Variants in ABCA4 observed in about 807,000 individuals in gnomAD.
ABCA4 encodes the protein ATP binding cassette subfamily A member 4.
A neutral mutation model predicts 263.7 loss-of-function variants in ABCA4; 196 were observed. That is an observed-to-expected ratio of 0.74 (90% CI 0.66 to 0.84). ABCA4 has a LOEUF of 0.84. ABCA4 is among the 40% of genes least tolerant of loss of function. The pLI, the probability that ABCA4 is intolerant of heterozygous loss-of-function variation, is 0.00. For missense variants in ABCA4, 2,792 were observed against 2,855.1 expected (o/e 0.98, Z 0.50); for synonymous variants, 1,133 against 1,094.2 (o/e 1.04, Z -0.70).
intron 4 of ABCA4, among the ~76,000 whole-genome samples, chr1:94,105,898 C>T (rs1570428753): frequency 6.6e-6 from 1 of 152,284 alleles, no homozygotes; most frequent in African/African-American, 2.4e-5. Flanking sequence ...CAGCACCAGC[C>T]CCGCCACCCC....
rs1437902454 is a variant in ABCA4, at chr1:94,021,894, T to G, written c.4725A>C (p.Ala1575=). ...CAAGGTCGCTTAAAAACCCAACAAG[T>G]GCTTCCCCCGTGATGGGGACGACTG... ...KLPVVPITGE[A]LVGFLSDLGR... is the part of the protein sequence containing the mutation. The change falls in exon 33 of 50, where the codon GCA becomes GCC. Residue 1575 remains alanine, a synonymous_variant. Coordinates refer to ENST00000370225, the MANE Select transcript of ABCA4 (RefSeq NM_000350.3). 2 of 1,614,140 alleles carry G rather than the reference T, an allele frequency of 1.2e-6. No homozygotes were observed. Among genetic ancestry groups the G allele is most frequent in the Non-Finnish European group, 1.7e-6 (2 of 1,180,018 alleles).
Position 94,048,438 on chromosome 1 carries a change from C to T in ABCA4, c.2743+430G>A, listed in dbSNP as rs970289555. 1.3e-4 allele frequency among the ~76,000 whole-genome samples: 20 copies of T among 152,288 alleles called. No individual in the cohort carries two copies. The East Asian group carries it at 2.3e-3, about 18-fold the overall frequency. On this transcript the variant is annotated intron_variant, in intron 18 of 49. Transcript: ENST00000370225. ...TGAATGGCCTTCTAGATTTGTAAGC[C>T]GTAAGTGAAGTGTAGTCAGCTCCCC...
At chr1:94,022,847 C>A (rs1318277266) in intron 32 of ABCA4, among the ~76,000 whole-genome samples, 2 of 152,146 alleles carry the variant, frequency 1.3e-5, no homozygotes, top group African/African-American at 4.8e-5. Context: ...TAGAATCTGC[C>A]CAGGAAAGCA....
At position 93,996,166 on chromosome 1, in the gene ABCA4, A is replaced by G. The variant is rs1462897402; in HGVS notation, c.6759T>C (p.Thr2253=). ...GGTGCAGAGGGAGGTCATGACTTTC[A>G]GTCTGCTGTTTAGCAAAATTTACAA... ...QVFVNFAKQQ[T]ESHDLPLHPR... Residue 2253 remains threonine, a synonymous_variant, in exon 49 of 50, where the codon ACT becomes ACC. Transcript: ENST00000370225. 6.2e-7 allele frequency: 1 copy of G among 1,614,058 alleles called. No homozygotes were observed. Among genetic ancestry groups the G allele is most frequent in the East Asian group, 2.2e-5 (1 of 44,884 alleles).
chr1:94,048,601 G>A (rs1660751294), intron 18 of ABCA4, among the ~76,000 whole-genome samples: 1 of 152,206 alleles, frequency 6.6e-6, no homozygotes, highest in Admixed American at 6.5e-5. Flanking sequence ...CAACTCACTT[G>A]GGATTTGCCT....
chr1:94,086,218 T>A (rs1661821071), intron 6 of ABCA4, among the ~76,000 whole-genome samples: 1 of 152,178 alleles, frequency 6.6e-6, no homozygotes, highest in Non-Finnish European at 1.5e-5. Context: ...CATGAAATGG[T>A]ATGTTCATTA....
At chr1:94,045,643 C>A in intron 19 of ABCA4, 1 of 419,694 alleles carries the variant, frequency 2.4e-6, no homozygotes. Context: ...AGTTCTGATA[C>A]CATCTCAGGC....
chr1:94,040,104 C>T lies in ABCA4; in HGVS notation c.3546G>A (p.Lys1182=). 1 of 1,609,786 alleles carries T rather than the reference C, an allele frequency of 6.2e-7. No homozygotes were observed. The highest frequency in any genetic ancestry group is 8.5e-7 in the Non-Finnish European group (1 of 1,177,854). Residue 1182 remains lysine (K), a synonymous_variant, in exon 24 of 50, where the codon AAG becomes AAA. Transcript: ENST00000370225. ...GSEGTCSCSS[K]GFSTTCPAHV... ...GGGCTGGACACGTGGTGGAGAAACC[C>T]TTAGACGAGCAGCTGCAGGTCCCCT...
In ABCA4 at chr1:94,019,663, C is replaced by T. The variant is rs756670412; in HGVS notation, c.5115G>A (p.Arg1705=). 1.2e-6 allele frequency: 2 copies of T among 1,613,234 alleles called. No individual in the cohort carries two copies. The highest frequency in any genetic ancestry group is 1.1e-5 in the South Asian group (1 of 90,814). ...ASFVLYLIQE[R]VNKSKHLQFI... is the part of the protein sequence containing the mutation. ...ACTGGAGGTGCTTGGATTTGTTCAC[C>T]CGCTCCTGGATCAAATAAAGGACAA... Residue 1705 remains arginine, a synonymous_variant, in exon 36 of 50, where the codon CGG becomes CGA. Coordinates refer to ENST00000370225, the MANE Select transcript of ABCA4 (RefSeq NM_000350.3).
At chr1:94,108,477 G>T in intron 4 of ABCA4, 100 bp downstream of exon 4, 1 of 1,552,988 alleles carries the variant, frequency 6.4e-7, no homozygotes, top group Non-Finnish European at 8.8e-7. Context: ...TCCTGCCTCC[G>T]CTAGTATATT....
At chr1:94,071,404 A>G (rs1369367415) in intron 11 of ABCA4, among the ~76,000 whole-genome samples, 1 of 152,164 alleles carries the variant, frequency 6.6e-6, no homozygotes, top group Non-Finnish European at 1.5e-5. Flanking sequence ...CCTTCATTGG[A>G]TTCATTATAT....
chr1:94,056,546 A>G, intron 15 of ABCA4, 55 bp downstream of exon 15: 2 of 1,569,700 alleles, frequency 1.3e-6, no homozygotes, highest in Non-Finnish European at 1.7e-6. Context: ...CAGGACTGCT[A>G]CGGACCCTTC....
At chr1:94,000,281 A>G (rs1439508285) in intron 47 of ABCA4, among the ~76,000 whole-genome samples, 1 of 152,246 alleles carries the variant, frequency 6.6e-6, no homozygotes, top group Non-Finnish European at 1.5e-5. Context: ...TTGGCATGCA[A>G]ACTCTTAATA....
intron 36 of ABCA4, chr1:94,019,297 G>A: frequency 2.7e-6 from 1 of 367,260 alleles, no homozygotes; most frequent in South Asian, 3.5e-5. Context: ...GCGGTGCAGT[G>A]ATTATTTGAT....
chr1:94,098,854 G>A lies in ABCA4; in HGVS notation c.708C>T (p.Thr236=). Reference sequence around the variant, plus strand: ...ACAGAGTGTCTTCTATCCACTGTAGGGTGCCCTGGGAGAGGGAGCACAGGG... The same window carrying A: ...ACAGAGTGTCTTCTATCCACTGTAGAGTGCCCTGGGAGAGGGAGCACAGGG... ...RYALCSLSQG[T]LQWIEDTLYA... is the part of the protein sequence containing the mutation. Residue 236 remains threonine, a synonymous_variant, in exon 6 of 50, where the codon ACC becomes ACT. Transcript: ENST00000370225. 2 of 1,614,100 alleles carry A rather than the reference G, an allele frequency of 1.2e-6. No individual in the cohort carries two copies. The highest frequency in any genetic ancestry group is 1.7e-6 in the Non-Finnish European group (2 of 1,180,018).
At chr1:94,070,448 C>T (rs1258186100) in intron 11 of ABCA4, among the ~76,000 whole-genome samples, 1 of 152,172 alleles carries the variant, frequency 6.6e-6, no homozygotes, top group South Asian at 2.1e-4. Context: ...TTGCTTATGC[C>T]CTTCCTCCTG....
chr1:94,055,808 AG>A (rs1660962649), intron 15 of ABCA4, among the ~76,000 whole-genome samples: 1 of 152,222 alleles, frequency 6.6e-6, no homozygotes. Flanking sequence ...ACACCTCTGG[AG>A]CCTAATAAGT....
intron 3 of ABCA4, among the ~76,000 whole-genome samples, chr1:94,111,166 C>T (rs1288677247): frequency 5.3e-5 from 8 of 152,346 alleles, no homozygotes; most frequent in Admixed American, 3.3e-4. Context: ...ATCTCTGCAG[C>T]GGGCTGCCAT....
At position 94,007,635 on chromosome 1, in the gene ABCA4, T is replaced by A. The variant is rs1305769551; in HGVS notation, c.6004A>T (p.Ser2002Cys). 1 of 1,612,534 alleles carries A rather than the reference T, an allele frequency of 6.2e-7. No homozygotes were observed. Among genetic ancestry groups the A allele is most frequent in the Non-Finnish European group, 8.5e-7 (1 of 1,178,618 alleles). Reference protein sequence around the residue: ...TSGDATVAGKSILTNISEVHQ... With the variant: ...TSGDATVAGKCILTNISEVHQ... Reference sequence around the variant, plus strand: ...AGACAGGAGGAGCAGGATACTCACCTCTTGCCTGCTACGGTGGCATCCCCT... The same window carrying A: ...AGACAGGAGGAGCAGGATACTCACCACTTGCCTGCTACGGTGGCATCCCCT... The change falls in exon 43 of 50, where the codon AGT becomes TGT. Residue 2002 changes from serine (S) to cysteine (C), a missense_variant and splice_region_variant. Transcript: ENST00000370225.
Sources: allele counts gnomAD v4.1 joint callset (sites outside exome capture counted in the v4.1 genomes callset), GRCh38; gene constraint gnomAD v4.1.1; transcripts MANE v1.5; gene names NCBI Gene and HGNC (gene_info 2026-07-23, HGNC 2026-07-21).